RTN4RL1: variants seen among roughly 807,000 people sequenced by gnomAD.
RTN4RL1 encodes the protein reticulon 4 receptor like 1.
Under a neutral mutation model 25.6 loss-of-function variants are expected in RTN4RL1, and 7 were observed. That is an observed-to-expected ratio of 0.27 (90% CI 0.16 to 0.51). The LOEUF is 0.51. RTN4RL1 is among the 20% of genes least tolerant of loss of function. RTN4RL1 has a pLI of 0.97. For missense variants in RTN4RL1, 500 were observed against 615.6 expected, an observed-to-expected ratio of 0.81 and a Z score of 1.99; for synonymous variants, 297 against 288.2, an observed-to-expected ratio of 1.03 and a Z score of -0.31.
At position 1,965,642 on chromosome 17, in the gene RTN4RL1, C is replaced by T. The variant is rs372330547; in HGVS notation, c.14-27834G>A. 3.2e-3 allele frequency among the ~76,000 whole-genome samples: 490 copies of T among 152,098 alleles called. 1 individual carries two copies. Among genetic ancestry groups the T allele is most frequent in the African/African-American group, 0.01 (423 of 41,512 alleles). Reference sequence around the variant, plus strand: ...GCCAGGAGCCCCGAATGGGTCTGGGCGACCCTCAGGGGTGCAAAGGAGAGT... The same window carrying T: ...GCCAGGAGCCCCGAATGGGTCTGGGTGACCCTCAGGGGTGCAAAGGAGAGT... On this transcript the variant is annotated intron_variant, in intron 1 of 1. Coordinates refer to ENST00000331238, the MANE Select transcript of RTN4RL1 (RefSeq NM_178568.4).
chr17:2,003,994 C>T (rs1304683166), intron 1 of RTN4RL1, among the ~76,000 whole-genome samples: 1 of 151,958 alleles, frequency 6.6e-6, no homozygotes, highest in Admixed American at 6.6e-5. Flanking sequence ...TCACTTGAAC[C>T]CTGGAGGCGG....
intron 1 of RTN4RL1, among the ~76,000 whole-genome samples, chr17:2,000,086 C>A (rs956942265): frequency 6.6e-6 from 1 of 152,248 alleles, no homozygotes; most frequent in African/African-American, 2.4e-5. Context: ...CCTGCCTGGG[C>A]CAGGGCTGCT....
chr17:1,980,323 G>C (rs963064136), intron 1 of RTN4RL1, among the ~76,000 whole-genome samples: 1 of 150,550 alleles, frequency 6.6e-6, no homozygotes, highest in East Asian at 1.9e-4. Context: ...TGCCTGCCTC[G>C]GCCTCCCAAA....
intron 1 of RTN4RL1, among the ~76,000 whole-genome samples, chr17:1,985,592 T>TTCTG: frequency 6.6e-6 from 1 of 152,330 alleles, no homozygotes; most frequent in African/African-American, 2.4e-5. Context: ...CCTGGGCTGG[T>TTCTG]TCTGTCACAC....
At chr17:1,977,919 C>T (rs893258568) in intron 1 of RTN4RL1, among the ~76,000 whole-genome samples, 3 of 151,238 alleles carry the variant, frequency 2.0e-5, no homozygotes, top group Non-Finnish European at 4.4e-5. Flanking sequence ...CATCGGAGCC[C>T]CGCGTCCCGC....
Position 1,978,025 on chromosome 17 carries a change from C to G in RTN4RL1, c.14-40217G>C, listed in dbSNP as rs567348517. On this transcript the variant is annotated intron_variant, in intron 1 of 1. Coordinates refer to ENST00000331238, the MANE Select transcript of RTN4RL1 (RefSeq NM_178568.4). Reference sequence around the variant, plus strand: ...ATCCCGCACCCCGCATCCTGCACCCCGCATCTCTCACTCCGCATCCGGCAC... The same window carrying G: ...ATCCCGCACCCCGCATCCTGCACCCGGCATCTCTCACTCCGCATCCGGCAC... 2.1e-3 allele frequency among the ~76,000 whole-genome samples: 323 copies of G among 151,864 alleles called. 1 individual carries two copies. Among genetic ancestry groups the G allele is most frequent in the Non-Finnish European group, 3.5e-3 (240 of 67,920 alleles).
intron 1 of RTN4RL1, among the ~76,000 whole-genome samples, chr17:1,961,250 A>G (rs1326801934): frequency 6.6e-6 from 1 of 152,174 alleles, no homozygotes; most frequent in Non-Finnish European, 1.5e-5. Flanking sequence ...GTAACCAGGA[A>G]AAGTCACGAA....
At chr17:2,013,662 TGGAACATAAATACCCCAGCTGTCTCACCC>T (rs2067081402) in intron 1 of RTN4RL1, among the ~76,000 whole-genome samples, 2 of 119,634 alleles carry the variant, frequency 1.7e-5, no homozygotes, top group African/African-American at 6.7e-5. Context: ...TCTCTCACCC[TGGAACATAAATACCCCAGCTGTCTCACCC>T]TGGAACATAA....
intron 1 of RTN4RL1, among the ~76,000 whole-genome samples, chr17:2,012,478 G>A (rs565154980): frequency 1.3e-5 from 2 of 152,298 alleles, no homozygotes; most frequent in African/African-American, 4.8e-5. Flanking sequence ...CATTGCACAG[G>A]GAAAAGTGCG....
chr17:1,980,210 C>T (rs961501041), intron 1 of RTN4RL1, among the ~76,000 whole-genome samples: 6 of 150,144 alleles, frequency 4.0e-5, no homozygotes, highest in African/African-American at 1.5e-4. Context: ...ACTACAAGCT[C>T]GTGCCACCAC....
At position 1,935,591 on chromosome 17, in the gene RTN4RL1, G is replaced by C; in HGVS notation, c.*905C>G. 1.0e-6 allele frequency: 1 copy of C among 984,738 alleles called. No homozygotes were observed. The highest frequency in any genetic ancestry group is 1.2e-6 in the Non-Finnish European group (1 of 829,498). 61.0% of individuals were successfully genotyped at this position (984,738 alleles called of 1,614,324 possible). On this transcript the variant is annotated 3_prime_UTR_variant, in exon 2 of 2. Coordinates refer to ENST00000331238, the MANE Select transcript of RTN4RL1 (RefSeq NM_178568.4). ...TTCTAGACAAAAATTCTATCACTTT[G>C]TTTTTGCTAGAAATCACCAATACAA... is the stretch of plus-strand genomic sequence containing the variant.
intron 1 of RTN4RL1, among the ~76,000 whole-genome samples, chr17:1,943,560 CA>C (rs1026541988): frequency 6.6e-6 from 1 of 152,220 alleles, no homozygotes; most frequent in African/African-American, 2.4e-5. Context: ...CCAGTCCTGG[CA>C]GATTGGCAGA....
intron 1 of RTN4RL1, among the ~76,000 whole-genome samples, chr17:2,015,214 G>A (rs999208792): frequency 1.3e-5 from 2 of 152,174 alleles, no homozygotes; most frequent in African/African-American, 2.4e-5. Context: ...GGTGTGGGAA[G>A]GGCAGGGGTC....
At chr17:2,007,432 G>C (rs996473849) in intron 1 of RTN4RL1, among the ~76,000 whole-genome samples, 1 of 151,574 alleles carries the variant, frequency 6.6e-6, no homozygotes, top group Non-Finnish European at 1.5e-5. Flanking sequence ...GCTGCTTGGG[G>C]TGGTGCCAAT....
At chr17:1,976,995 T>C (rs7208346) in intron 1 of RTN4RL1, among the ~76,000 whole-genome samples, 18,085 of 152,180 alleles carry the variant, frequency 0.12, 1,852 homozygotes, top group African/African-American at 0.27. Context: ...TTTGTTACCA[T>C]TGTGGCCTCT....
intron 1 of RTN4RL1, among the ~76,000 whole-genome samples, chr17:2,022,223 G>A (rs1253400283): frequency 6.6e-6 from 1 of 152,092 alleles, no homozygotes; most frequent in African/African-American, 2.4e-5. Context: ...GGCTGAGGCA[G>A]GAGAATTGCT....
chr17:2,016,146 C>T (rs2067119770), intron 1 of RTN4RL1, among the ~76,000 whole-genome samples: 1 of 152,102 alleles, frequency 6.6e-6, no homozygotes, highest in Non-Finnish European at 1.5e-5. Flanking sequence ...TTTGGGAGGC[C>T]GAGTTGGGAG....
chr17:1,942,359 CTG>C (rs1915456547), intron 1 of RTN4RL1, among the ~76,000 whole-genome samples: 1 of 126,284 alleles, frequency 7.9e-6, no homozygotes, highest in Non-Finnish European at 1.7e-5. Flanking sequence ...CCCAGAATGA[CTG>C]GGTGGGGGGA....
At chr17:1,967,718 C>A (rs1273314375) in intron 1 of RTN4RL1, among the ~76,000 whole-genome samples, 2 of 152,086 alleles carry the variant, frequency 1.3e-5, no homozygotes, top group African/African-American at 4.8e-5. Flanking sequence ...CAGCTCACTG[C>A]AACCTCCTCC....
Sources: gnomAD v4.1 joint callset for allele counts (sites outside exome capture counted in the v4.1 genomes callset) on GRCh38, gnomAD v4.1.1 for gene constraint, MANE v1.5 for transcripts, NCBI Gene and HGNC (gene_info 2026-07-23, HGNC 2026-07-21) for gene names.